The following FBN1 variants were observed in gnomAD, a reference collection of about 807,000 sequenced individuals.
The protein encoded by FBN1 is fibrillin 1.
Under a neutral mutation model 365.1 loss-of-function variants are expected in FBN1, and 29 were observed. The observed-to-expected ratio is 0.08, with a 90% CI of 0.06 to 0.11. The LOEUF (loss-of-function observed/expected upper bound fraction) is 0.11, where lower values mean the gene tolerates loss of function less well. FBN1 is among the 10% of genes least tolerant of loss of function. The pLI, the probability that FBN1 is intolerant of heterozygous loss-of-function variation, is 1.00. For missense variants in FBN1, 2,476 were observed against 3,703.2 expected, an observed-to-expected ratio of 0.67 and a Z score of 8.60; for synonymous variants, 1,210 against 1,270.5, an observed-to-expected ratio of 0.95 and a Z score of 1.01.
At chr15:48,440,640 TA>T (rs1392667724) in intron 50 of FBN1, among the ~76,000 whole-genome samples, 1 of 151,890 alleles carries the variant, frequency 6.6e-6, no homozygotes, top group Non-Finnish European at 1.5e-5. Flanking sequence ...AGTTGAAAAG[TA>T]AAAAGTTAAT....
intron 35 of FBN1, 65 bp from the exon 36 acceptor site, chr15:48,470,821 T>A (rs2043368350): frequency 6.5e-7 from 1 of 1,545,228 alleles, no homozygotes. Context: ...ACCTGCCAAA[T>A]ATAATTAGGC....
intron 5 of FBN1, among the ~76,000 whole-genome samples, chr15:48,599,004 C>T (rs1045719880): frequency 1.3e-5 from 2 of 152,116 alleles, no homozygotes; most frequent in African/African-American, 2.4e-5. Flanking sequence ...CCATGTAAGA[C>T]GTGACTTGTT....
At chr15:48,617,955 T>C (rs374323819) in intron 2 of FBN1, among the ~76,000 whole-genome samples, 7 of 152,224 alleles carry the variant, frequency 4.6e-5, no homozygotes, top group African/African-American at 1.7e-4. Context: ...CAGGAGGCTC[T>C]TATTTCATAT....
chr15:48,428,616 C>A, intron 56 of FBN1, 145 bp from the exon 57 acceptor site: 1 of 852,450 alleles, frequency 1.2e-6, no homozygotes, highest in South Asian at 1.4e-5. Context: ...CCCTTCCCTC[C>A]CTCTCACCTT....
chr15:48,620,404 A>C (rs1889745054), intron 2 of FBN1, among the ~76,000 whole-genome samples: 1 of 152,134 alleles, frequency 6.6e-6, no homozygotes, highest in South Asian at 2.1e-4. Context: ...TCCCCACAAT[A>C]CTTCTATGAA....
At chr15:48,623,691 G>C (rs1279493373) in intron 2 of FBN1, among the ~76,000 whole-genome samples, 2 of 152,174 alleles carry the variant, frequency 1.3e-5, no homozygotes, top group African/African-American at 4.8e-5. Context: ...AATTCATAGA[G>C]TGACCTTGAT....
intron 6 of FBN1, among the ~76,000 whole-genome samples, chr15:48,594,757 A>C (rs1318939423): frequency 6.6e-6 from 1 of 152,148 alleles, no homozygotes; most frequent in Admixed American, 6.6e-5. Context: ...GTTACAGGTA[A>C]AATGCCCTGT....
At chr15:48,554,944 G>A (rs1301351956) in intron 6 of FBN1, among the ~76,000 whole-genome samples, 2 of 152,150 alleles carry the variant, frequency 1.3e-5, no homozygotes, top group Admixed American at 6.5e-5. Context: ...TCTATTCTAT[G>A]ACAATGATAT....
intron 14 of FBN1, among the ~76,000 whole-genome samples, chr15:48,509,527 G>T (rs1474641238): frequency 1.4e-5 from 2 of 146,376 alleles, no homozygotes; most frequent in African/African-American, 2.5e-5. Context: ...TGTATTTTAT[G>T]AATATTATCT....
At chr15:48,488,300 C>A in intron 26 of FBN1, 59 bp from the exon 27 acceptor site, 1 of 1,612,930 alleles carries the variant, frequency 6.2e-7, no homozygotes, top group Non-Finnish European at 8.5e-7. Context: ...ATTCTTGCGA[C>A]AATATGTTAA....
chr15:48,564,126 G>A (rs982254907), intron 6 of FBN1, among the ~76,000 whole-genome samples: 4 of 152,110 alleles, frequency 2.6e-5, no homozygotes, highest in East Asian at 1.9e-4. Flanking sequence ...GTTTGGTATG[G>A]GAGGCAGGCA....
chr15:48,442,139 A>G (rs181872470), intron 49 of FBN1, among the ~76,000 whole-genome samples: 1 of 152,196 alleles, frequency 6.6e-6, no homozygotes, highest in Non-Finnish European at 1.5e-5. Flanking sequence ...GAAAAGTCAG[A>G]GTAATTTCAT....
chr15:48,589,445 C>CA (rs1365322177), intron 6 of FBN1, among the ~76,000 whole-genome samples: 4 of 151,744 alleles, frequency 2.6e-5, no homozygotes, highest in East Asian at 3.9e-4. Flanking sequence ...TACCCAGCCA[C>CA]AAAAAAACGA....
rs938980251 is a variant in FBN1, at chr15:48,474,725, A to G, written c.3965-75T>C. 2.5e-6 allele frequency: 4 copies of G among 1,600,090 alleles called. No individual in the cohort carries two copies. In the African/African-American group the frequency reaches 4.0e-5, roughly 16 times the overall value. On this transcript the variant is annotated intron_variant, in intron 32 of 65. Transcript: ENST00000316623. ...TGGTTTTTAAAATAAGTAATATTCA[A>G]AAGTTGACTTGCCTTCAAACTTCCC...
intron 45 of FBN1, 58 bp from the exon 46 acceptor site, chr15:48,448,951 T>A: frequency 7.0e-7 from 1 of 1,423,058 alleles, no homozygotes; most frequent in Non-Finnish European, 9.9e-7. Flanking sequence ...ATTGAATAAC[T>A]TACTTCTAGC....
intron 6 of FBN1, among the ~76,000 whole-genome samples, chr15:48,566,987 T>G (rs1007383125): frequency 6.6e-6 from 1 of 152,188 alleles, no homozygotes; most frequent in African/African-American, 2.4e-5. Flanking sequence ...GGGAGTTTGA[T>G]GGAAATGCAG....
intron 4 of FBN1, among the ~76,000 whole-genome samples, chr15:48,604,712 C>T (rs1203323742): frequency 6.6e-6 from 1 of 152,180 alleles, no homozygotes; most frequent in Non-Finnish European, 1.5e-5. Context: ...CTTCTCCTCC[C>T]AGTCCATATA....
chr15:48,425,238 G>T, intron 60 of FBN1, 131 bp downstream of exon 60: 1 of 1,187,344 alleles, frequency 8.4e-7, no homozygotes, highest in Non-Finnish European at 1.3e-6. Context: ...TCCCATGGAG[G>T]CATTAACCCC....
At chr15:48,471,160 G>A (rs1403525818) in intron 35 of FBN1, among the ~76,000 whole-genome samples, 2 of 151,946 alleles carry the variant, frequency 1.3e-5, no homozygotes, top group Non-Finnish European at 2.9e-5. Flanking sequence ...GTCTTTCAGG[G>A]AACTGTCATA....
Sources: allele counts gnomAD v4.1 joint callset (sites outside exome capture counted in the v4.1 genomes callset), GRCh38; gene constraint gnomAD v4.1.1; transcripts MANE v1.5; gene names NCBI Gene and HGNC (gene_info 2026-07-23, HGNC 2026-07-21).